Variants in KDM5D observed in about 807,000 individuals in gnomAD.
KDM5D encodes lysine demethylase 5D.
A neutral mutation model predicts 31.9 loss-of-function variants in KDM5D; 25 were observed. The ratio of observed to expected loss-of-function variants is 0.78; its 90% CI spans 0.57 to 1.09. The LOEUF is 1.09. KDM5D is among the 50% of genes least tolerant of loss of function. The probability of loss-of-function intolerance (pLI) is 0.00; values close to 1 mark genes in which losing one functional copy is unlikely to be tolerated. For missense variants in KDM5D, 366 were observed against 341.6 expected (o/e 1.07, Z -0.56); for synonymous variants, 146 against 122.3 (o/e 1.19, Z -1.28).
At position 19,715,668 on chromosome Y, in the gene KDM5D, G is replaced by C. The variant is rs544669203; in HGVS notation, c.2285C>G (p.Thr762Ser). ...KLKIRAESFD[T>S]WANKVRVALE... ...GGCCACTCGCACTTTGTTGGCCCAG[G>C]TGTCAAAAGACTCAGCCCGAATCTT... Residue 762 changes from threonine (T) to serine (S), a missense_variant, in exon 17 of 27, where the codon ACC (threonine) becomes AGC (serine). By Grantham distance (58) the Thr-to-Ser change is moderately conservative. Coordinates refer to ENST00000317961, the MANE Select transcript of KDM5D (RefSeq NM_004653.5). 6.1e-4 allele frequency: 240 copies of C among 396,659 alleles called. No homozygotes were observed. The South Asian group carries it at 6.4e-3, about 11-fold the overall frequency.
chrY:19,721,358 T>C lies in KDM5D; in HGVS notation c.1372-47A>G, dbSNP rs1481038750. The stretch of plus-strand genomic sequence containing the variant: ...AGAGTGAGTAGGGAGTAGGATACGA[T>C]GAGGAGAGGCAAACTGAGCAAAACA... On this transcript the variant is annotated intron_variant, in intron 11 of 26. Transcript: ENST00000317961. 1.0e-5 allele frequency: 3 copies of C among 290,739 alleles called. No individual in the cohort carries two copies. The Admixed American group carries it at 2.3e-4, about 22-fold the overall frequency. 72.5% of individuals were successfully genotyped at this position (290,739 alleles called of 400,897 possible).
chrY:19,716,769 T>C, intron 13 of KDM5D, 54 bp from the exon 14 acceptor site: 1 of 365,138 alleles, frequency 2.7e-6, no homozygotes. Flanking sequence ...ATGGGCCAGA[T>C]GTGAACTCAA....
Position 19,707,619 on chromosome Y carries a change from A to G in KDM5D, c.3527T>C (p.Val1176Ala). ...LMASSPTSIC[V>A]CGQVPAGVGV... ...CACCCCAGCTGGCACCTGCCCACAC[A>G]CACAGATAGAAGTCGGAGAAGAGGC... The change falls in exon 24 of 27, where the codon GTG (valine) becomes GCG (alanine). Residue 1176 changes from valine to alanine, a missense_variant. By Grantham distance (64) the Val-to-Ala change is moderately conservative (BLOSUM62 0). Transcript: ENST00000317961. 1 of 397,024 alleles carries G rather than the reference A, an allele frequency of 2.5e-6. No individual in the cohort carries two copies. The highest frequency in any genetic ancestry group is 3.5e-6 in the Non-Finnish European group (1 of 282,706).
intron 3 of KDM5D, among the ~76,000 whole-genome samples, chrY:19,742,199 T>C (rs779194902): frequency 2.9e-5 from 1 of 33,953 alleles, no homozygotes; most frequent in South Asian, 6.4e-4. Flanking sequence ...TGTACTGATA[T>C]ATAATTCAAA....
At chrY:19,728,204 AAATT>A (rs2045446968) in intron 11 of KDM5D, among the ~76,000 whole-genome samples, 1 of 33,631 alleles carries the variant, frequency 3.0e-5, no homozygotes, top group African/African-American at 1.2e-4. Context: ...AGACTACTAC[AAATT>A]AATGTAAGAT....
chrY:19,708,028 C>T lies in KDM5D; in HGVS notation c.3305G>A (p.Arg1102His), dbSNP rs774331690. 5 of 391,691 alleles carry T rather than the reference C, an allele frequency of 1.3e-5. No homozygotes were observed. Among genetic ancestry groups the T allele is most frequent in the South Asian group, 3.1e-5 (1 of 32,653 alleles). Residue 1102 changes from arginine to histidine, a missense_variant, in exon 23 of 27, where the codon CGT becomes CAT. By Grantham distance (29) the Arg-to-His change is conservative. Transcript: ENST00000317961. ...CADAGSDSTK[R>H]SRWMEKALGL... Reference sequence around the variant, plus strand: ...CAGCGCCTTCTCCATCCACCGGCTACGCTTGGTGCTGTCTGAGCCAGCGTC... The same window carrying T: ...CAGCGCCTTCTCCATCCACCGGCTATGCTTGGTGCTGTCTGAGCCAGCGTC...
Position 19,707,691 on chromosome Y carries a change from C to T in KDM5D, c.3455G>A (p.Arg1152His). The change falls in exon 24 of 27, where the codon CGT becomes CAT. Residue 1152 changes from arginine (R) to histidine (H), a missense_variant. Physicochemically the swap from Arg to His is conservative, Grantham distance 29. Transcript: ENST00000317961. ...QKEKEGILQL[R>H]RTNSAKPSPL... Reference sequence around the variant, plus strand: ...ACTGGGCTTGGCTGAGTTGGTGCGACGCAGCTGCAGGATACCCTCCTTCTC... The same window carrying T: ...ACTGGGCTTGGCTGAGTTGGTGCGATGCAGCTGCAGGATACCCTCCTTCTC... 3.3e-5 allele frequency: 13 copies of T among 396,628 alleles called. No homozygotes were observed. Among genetic ancestry groups the T allele is most frequent in the African/African-American group, 6.2e-5 (1 of 16,197 alleles).
chrY:19,726,896 G>C, intron 11 of KDM5D, among the ~76,000 whole-genome samples: 1 of 32,620 alleles, frequency 3.1e-5, no homozygotes, highest in Non-Finnish European at 7.5e-5. Flanking sequence ...AAAATTATAT[G>C]ATTATACTTA....
chrY:19,739,811 G>A, intron 5 of KDM5D, 149 bp from the exon 6 acceptor site: 1 of 136,307 alleles, frequency 7.3e-6, no homozygotes, highest in East Asian at 1.3e-4. Context: ...CACATATCCT[G>A]ACAATTTTCG....
At chrY:19,719,095 G>A (rs1603545831) in intron 13 of KDM5D, among the ~76,000 whole-genome samples, 1 of 30,569 alleles carries the variant, frequency 3.3e-5, no homozygotes, top group Non-Finnish European at 8.0e-5. Flanking sequence ...GCGTGAACCC[G>A]GGAGGCGGAG....
At chrY:19,721,519 A>G in intron 11 of KDM5D, 1 of 109,497 alleles carries the variant, frequency 9.1e-6, no homozygotes, top group Admixed American at 1.5e-4. Context: ...TCCCAGCCAG[A>G]GCAATGAGGC....
Position 19,705,681 on chromosome Y carries a change from T to G in KDM5D, c.*314A>C. ...AAATTGAAGTACAGAAAGAGGGTGG[T>G]GGGGGCAAAAATAAAGGTACGCACT... On this transcript the variant is annotated 3_prime_UTR_variant, in exon 27 of 27. Transcript: ENST00000317961. The G allele has an allele frequency of 3.7e-5, 2 of 54,101 alleles. No individual in the cohort carries two copies. The highest frequency in any genetic ancestry group is 2.2e-4 in the African/African-American group (2 of 9,010). 13.5% of individuals were successfully genotyped at this position (54,101 alleles called of 400,897 possible). A position where few individuals can be genotyped will look rare whatever the true frequency, so the allele number is the denominator to read the frequency against.
At chrY:19,708,797 G>A in intron 21 of KDM5D, 78 bp downstream of exon 21, 8 of 316,942 alleles carry the variant, frequency 2.5e-5, no homozygotes, top group South Asian at 3.4e-5. Flanking sequence ...CAACCCAACC[G>A]AGTAAAAACT....
intron 18 of KDM5D, among the ~76,000 whole-genome samples, chrY:19,711,147 C>A (rs2124182027): frequency 3.0e-5 from 1 of 32,834 alleles, no homozygotes; most frequent in Non-Finnish European, 7.4e-5. Context: ...GCCTACAAGA[C>A]AAAGAAAACT....
chrY:19,711,695 G>T (rs2045299262), intron 18 of KDM5D, among the ~76,000 whole-genome samples: 1 of 30,365 alleles, frequency 3.3e-5, no homozygotes, highest in Non-Finnish European at 8.0e-5. Context: ...AAAAAAAAAA[G>T]AATATTTGAA....
At chrY:19,722,837 C>T in intron 11 of KDM5D, among the ~76,000 whole-genome samples, 1 of 32,279 alleles carries the variant, frequency 3.1e-5, no homozygotes, top group African/African-American at 1.2e-4. Context: ...AATGGAAAAC[C>T]ATTCCATGCC....
intron 18 of KDM5D, among the ~76,000 whole-genome samples, chrY:19,714,773 T>G: frequency 3.0e-5 from 1 of 33,353 alleles, no homozygotes; most frequent in South Asian, 6.7e-4. Flanking sequence ...TCCTAACACA[T>G]CTCCATCATT....
At chrY:19,711,065 G>A in intron 18 of KDM5D, among the ~76,000 whole-genome samples, 1 of 33,429 alleles carries the variant, frequency 3.0e-5, no homozygotes, top group African/African-American at 1.2e-4. Flanking sequence ...CAAGAAATGA[G>A]AGTTCATTAT....
At chrY:19,743,598 T>C (rs770882112) in intron 2 of KDM5D, among the ~76,000 whole-genome samples, 1 of 33,065 alleles carries the variant, frequency 3.0e-5, no homozygotes, top group East Asian at 7.7e-4. Context: ...ATAAATGTAA[T>C]GCAGATAAAA....
Sources: allele counts gnomAD v4.1 joint callset (sites outside exome capture counted in the v4.1 genomes callset), GRCh38; gene constraint gnomAD v4.1.1; transcripts MANE v1.5; gene names NCBI Gene and HGNC (gene_info 2026-07-23, HGNC 2026-07-21).